Variants in CCDC175 observed in about 807,000 individuals in gnomAD.
CCDC175 encodes the protein coiled-coil domain containing 175, also known as coiled-coil domain-containing protein 175.
A neutral mutation model predicts 114.6 loss-of-function variants in CCDC175; 100 were observed. The ratio of observed to expected loss-of-function variants is 0.87; its 90% confidence interval spans 0.74 to 1.03. CCDC175 has a LOEUF of 1.03. Among genes scored for constraint, CCDC175 ranks in the 50% least tolerant of loss-of-function variants. The probability of loss-of-function intolerance (pLI) is 0.00; values close to 1 mark genes in which losing one functional copy is unlikely to be tolerated. For missense variants in CCDC175, 880 were observed against 917.8 expected (o/e 0.96, Z 0.53); for synonymous variants, 306 against 308.7 (o/e 0.99, Z 0.09).
chr14:59,539,477 G>C (rs1176983251), intron 11 of CCDC175, among the ~76,000 whole-genome samples: 1 of 152,160 alleles, frequency 6.6e-6, no homozygotes, highest in Non-Finnish European at 1.5e-5. Context: ...CTACTTGGGA[G>C]GCTGAGGCAG....
rs758747319 is a variant in CCDC175 at position 59,545,315 on chromosome 14, G to A, written c.1036-16C>T. The A allele has an allele frequency of 3.3e-6, 5 of 1,534,824 alleles. No homozygotes were observed. Among genetic ancestry groups the A allele is most frequent in the Non-Finnish European group, 4.4e-6 (5 of 1,146,142 alleles). ...TTTCAACCAGCTAGAGAAAAACAAA[G>A]GAGGTGAATGAGAGGACTGGCTTCA... On this transcript the variant is annotated splice_polypyrimidine_tract_variant and intron_variant, in intron 8 of 19. Transcript: ENST00000537690.
intron 2 of CCDC175, among the ~76,000 whole-genome samples, chr14:59,574,500 T>C (rs970703150): frequency 8.5e-5 from 13 of 152,254 alleles, no homozygotes; most frequent in Admixed American, 8.5e-4. Flanking sequence ...GGAACATATG[T>C]CAAATAATCT....
At chr14:59,521,821 T>C (rs565206117) in intron 16 of CCDC175, 145 bp from the exon 17 acceptor site, 18 of 536,756 alleles carry the variant, frequency 3.4e-5, no homozygotes, top group Middle Eastern at 4.9e-4. Context: ...GAATAAAACA[T>C]ACCTTGGTCA....
At chr14:59,558,359 A>G (rs1232389476) in intron 7 of CCDC175, among the ~76,000 whole-genome samples, 2 of 152,212 alleles carry the variant, frequency 1.3e-5, no homozygotes, top group Non-Finnish European at 2.9e-5. Context: ...GAGAAAGACA[A>G]CTGTGGAGGA....
intron 18 of CCDC175, 93 bp downstream of exon 18, chr14:59,511,667 C>T: frequency 9.5e-7 from 1 of 1,054,302 alleles, no homozygotes; most frequent in South Asian, 1.4e-5. Context: ...TGCAGGTGCA[C>T]ACAGACACAA....
intron 16 of CCDC175, 54 bp downstream of exon 16, chr14:59,525,228 G>A: frequency 8.2e-7 from 1 of 1,223,284 alleles, no homozygotes; most frequent in Non-Finnish European, 1.1e-6. Flanking sequence ...AACTATTACA[G>A]GTCTAGTCAA....
chr14:59,548,175 T>C (rs1367518507), intron 8 of CCDC175, among the ~76,000 whole-genome samples: 2 of 152,136 alleles, frequency 1.3e-5, no homozygotes, highest in Non-Finnish European at 2.9e-5. Flanking sequence ...GAGGACATCA[T>C]GTTAAGTGAA....
intron 13 of CCDC175, among the ~76,000 whole-genome samples, chr14:59,534,541 C>T (rs1276226530): frequency 6.6e-6 from 1 of 152,184 alleles, no homozygotes; most frequent in African/African-American, 2.4e-5. Flanking sequence ...GACAGCCTCA[C>T]CAGACTGTGT....
intron 16 of CCDC175, among the ~76,000 whole-genome samples, chr14:59,523,881 C>A (rs113443059): frequency 2.0e-4 from 31 of 151,768 alleles, no homozygotes; most frequent in Non-Finnish European, 4.0e-4. Context: ...CCCAGCTACT[C>A]GGGAGGCTGA....
At chr14:59,524,799 A>C (rs74408339) in intron 16 of CCDC175, among the ~76,000 whole-genome samples, 1,926 of 152,316 alleles carry the variant, frequency 0.013, 35 homozygotes, top group Non-Finnish European at 0.015. Flanking sequence ...ATAGCCAAAA[A>C]CTAGAAACTC....
chr14:59,520,645 T>C (rs900777180), intron 17 of CCDC175, among the ~76,000 whole-genome samples: 1 of 152,216 alleles, frequency 6.6e-6, no homozygotes, highest in African/African-American at 2.4e-5. Flanking sequence ...GGTATATCTA[T>C]ACAATGGGAT....
intron 3 of CCDC175, among the ~76,000 whole-genome samples, chr14:59,570,954 G>C (rs1018869682): frequency 6.6e-6 from 1 of 151,952 alleles, no homozygotes; most frequent in Admixed American, 6.6e-5. Flanking sequence ...TGTTGGCCAG[G>C]CTGGTCTCAA....
chr14:59,551,153 C>G (rs1895449319), intron 8 of CCDC175: 1 of 364,520 alleles, frequency 2.7e-6, no homozygotes, highest in African/African-American at 2.1e-5. Context: ...AACAGTTCCT[C>G]TGTACATGGA....
intron 7 of CCDC175, among the ~76,000 whole-genome samples, chr14:59,555,996 C>A (rs1365863620): frequency 1.3e-5 from 2 of 152,188 alleles, no homozygotes; most frequent in Admixed American, 1.3e-4. Context: ...ACATTCCATG[C>A]TCATGGATAG....
At chr14:59,522,026 GTAA>G (rs1284834577) in intron 16 of CCDC175, among the ~76,000 whole-genome samples, 5 of 152,266 alleles carry the variant, frequency 3.3e-5, no homozygotes, top group African/African-American at 1.2e-4. Flanking sequence ...TCACAAAGCA[GTAA>G]TGCTGCCAGA....
chr14:59,562,924 G>A (rs1483636450), intron 6 of CCDC175, among the ~76,000 whole-genome samples: 1 of 152,000 alleles, frequency 6.6e-6, no homozygotes, highest in East Asian at 1.9e-4. Flanking sequence ...TTAATGCTTT[G>A]TAATTGGATA....
chr14:59,525,417 T>C lies in CCDC175; in HGVS notation c.1860A>G (p.Glu620=). The change falls in exon 16 of 20, where the codon GAA becomes GAG. Residue 620 remains glutamate (E), a synonymous_variant. Coordinates refer to ENST00000537690, the MANE Select transcript of CCDC175 (RefSeq NM_001164399.2). ...TTTCTTGATCTCGTAATTGTTGTAA[T>C]TCTTGTTTTACATCTTCCTGCTCAA... ...YISNMEDVKQ[E]LQQLRDQESK... 2.0e-6 allele frequency: 3 copies of C among 1,514,618 alleles called. No homozygotes were observed. The South Asian group carries it at 3.8e-5, about 19-fold the overall frequency. 93.8% of individuals were successfully genotyped at this position (1,514,618 alleles called of 1,614,324 possible). A position where few individuals can be genotyped will look rare whatever the true frequency, so the allele number is the denominator to read the frequency against.
intron 3 of CCDC175, among the ~76,000 whole-genome samples, chr14:59,571,665 G>A (rs1351274314): frequency 2.0e-5 from 3 of 152,292 alleles, no homozygotes; most frequent in Admixed American, 6.5e-5. Context: ...GAACCCTTGT[G>A]CATTGTTGGT....
intron 10 of CCDC175, among the ~76,000 whole-genome samples, chr14:59,542,475 C>CA (rs143027047): frequency 1.2e-4 from 18 of 149,776 alleles, no homozygotes; most frequent in Non-Finnish European, 1.9e-4. Context: ...GACTTTATTA[C>CA]AAAAAAAAAG....
Sources: allele counts gnomAD v4.1 joint callset (sites outside exome capture counted in the v4.1 genomes callset), GRCh38; gene constraint gnomAD v4.1.1; transcripts MANE v1.5; gene names NCBI Gene and HGNC (gene_info 2026-07-23, HGNC 2026-07-21).